Variants in MGMT observed in about 807,000 individuals in gnomAD.
MGMT encodes the protein O-6-methylguanine-DNA methyltransferase.
In MGMT, 14 loss-of-function variants were observed where a neutral mutation model predicts 15.9. The observed-to-expected ratio is 0.88, with a 90% CI of 0.58 to 1.37. MGMT has a LOEUF of 1.37. Ranked by LOEUF, MGMT falls within the 40% of genes most tolerant of loss-of-function variation. MGMT has a pLI of 0.00. For missense variants in MGMT, 282 were observed against 268.1 expected (o/e 1.05, Z -0.36); for synonymous variants, 130 against 118.2 (o/e 1.10, Z -0.65).
At chr10:129,614,118 T>C (rs1846993309) in intron 2 of MGMT, among the ~76,000 whole-genome samples, 1 of 151,808 alleles carries the variant, frequency 6.6e-6, no homozygotes, top group Admixed American at 6.6e-5. Flanking sequence ...TCCCCAGCCC[T>C]GGCACCCACC....
At chr10:129,531,571 C>G (rs967109269) in intron 1 of MGMT, among the ~76,000 whole-genome samples, 2 of 152,178 alleles carry the variant, frequency 1.3e-5, no homozygotes, top group South Asian at 4.2e-4. Flanking sequence ...CTGCCGTGCT[C>G]GGTGGCCTGG....
intron 2 of MGMT, among the ~76,000 whole-genome samples, chr10:129,610,155 C>A (rs1846942572): frequency 6.6e-6 from 1 of 152,130 alleles, no homozygotes; most frequent in Admixed American, 6.5e-5. Context: ...TAGGATTTTT[C>A]AAATACTTAG....
chr10:129,725,425 C>T (rs973335913), intron 3 of MGMT, among the ~76,000 whole-genome samples: 6 of 152,258 alleles, frequency 3.9e-5, no homozygotes, highest in African/African-American at 7.2e-5. Flanking sequence ...TATCTAATTA[C>T]GGAGTGTTTT....
chr10:129,510,359 C>G (rs1218235797), intron 1 of MGMT, among the ~76,000 whole-genome samples: 2 of 152,130 alleles, frequency 1.3e-5, no homozygotes, highest in Admixed American at 1.3e-4. Context: ...AGGACTGAAT[C>G]GGTGCAGAGC....
At chr10:129,577,763 G>A (rs565529570) in intron 2 of MGMT, among the ~76,000 whole-genome samples, 9 of 152,190 alleles carry the variant, frequency 5.9e-5, no homozygotes, top group Non-Finnish European at 1.0e-4. Context: ...TACAGAATAG[G>A]AGAAAATTTT....
chr10:129,480,075 C>T (rs904359986), intron 1 of MGMT, among the ~76,000 whole-genome samples: 1 of 152,098 alleles, frequency 6.6e-6, no homozygotes, highest in Non-Finnish European at 1.5e-5. Context: ...TATCAGTTTC[C>T]ATTTTTTAAA....
At chr10:129,485,727 G>A (rs571167128) in intron 1 of MGMT, among the ~76,000 whole-genome samples, 16 of 152,288 alleles carry the variant, frequency 1.1e-4, no homozygotes, top group Admixed American at 4.6e-4. Context: ...ACTTTATTTC[G>A]TTTTAGCTGT....
chr10:129,628,051 A>G (rs1304176914), intron 2 of MGMT, among the ~76,000 whole-genome samples: 1 of 152,322 alleles, frequency 6.6e-6, no homozygotes, highest in East Asian at 1.9e-4. Context: ...TTTTAGTCCT[A>G]TTAATGAAGA....
At position 129,707,995 on chromosome 10, in the gene MGMT, A is replaced by G. The variant is rs1473548584; in HGVS notation, c.226A>G (p.Ile76Val). 4 of 1,613,754 alleles carry G rather than the reference A, an allele frequency of 2.5e-6. No individual in the cohort carries two copies. Among genetic ancestry groups the G allele is most frequent in the Middle Eastern group, 1.6e-4 (1 of 6,082 alleles). The change falls in exon 3 of 5, where the codon ATC becomes GTC. Residue 76 changes from isoleucine (I) to valine (V), a missense_variant. Ile to Val is a conservative substitution (Grantham distance 29). Coordinates refer to ENST00000651593, the MANE Select transcript of MGMT (RefSeq NM_002412.5). ...LNAYFHQPEA[I>V]EEFPVPALHH... ...TGCCTATTTCCACCAGCCCGAGGCTATCGAAGAGTTCCCCGTGCCGGCTCT... is the reference window on the plus strand; with the variant it reads ...TGCCTATTTCCACCAGCCCGAGGCTGTCGAAGAGTTCCCCGTGCCGGCTCT...
intron 2 of MGMT, among the ~76,000 whole-genome samples, chr10:129,609,850 C>T (rs1399539152): frequency 6.6e-6 from 1 of 152,034 alleles, no homozygotes; most frequent in Non-Finnish European, 1.5e-5. Flanking sequence ...GGGAGGCAGG[C>T]GGCAATGGTG....
intron 2 of MGMT, among the ~76,000 whole-genome samples, chr10:129,683,467 G>A (rs2133122019): frequency 6.6e-6 from 1 of 152,300 alleles, no homozygotes; most frequent in East Asian, 1.9e-4. Context: ...AAAATGCCCG[G>A]GTGAGTGCTA....
At chr10:129,569,662 G>GTAT (rs1367956593) in intron 2 of MGMT, among the ~76,000 whole-genome samples, 1 of 152,122 alleles carries the variant, frequency 6.6e-6, no homozygotes, top group Non-Finnish European at 1.5e-5. Flanking sequence ...TTGGTGGGTT[G>GTAT]TAGACTCATG....
chr10:129,580,418 G>T (rs966554534), intron 2 of MGMT, among the ~76,000 whole-genome samples: 1 of 152,206 alleles, frequency 6.6e-6, no homozygotes, highest in Non-Finnish European at 1.5e-5. Flanking sequence ...TTTCCCTGAG[G>T]TCACACAGCT....
At chr10:129,557,759 A>G (rs1031475043) in intron 2 of MGMT, among the ~76,000 whole-genome samples, 4 of 152,152 alleles carry the variant, frequency 2.6e-5, no homozygotes, top group African/African-American at 9.7e-5. Context: ...ATTTTCCTCT[A>G]TGACATGTTT....
chr10:129,582,718 C>T (rs563324002), intron 2 of MGMT, among the ~76,000 whole-genome samples: 41 of 152,128 alleles, frequency 2.7e-4, no homozygotes, highest in African/African-American at 8.0e-4. Context: ...TTTCCCCCTT[C>T]GGATAAAGCA....
rs1273394272 is a variant in MGMT, at chr10:129,626,642, T to C, written c.126-81253T>C. On this transcript the variant is annotated intron_variant, in intron 2 of 4. Transcript: ENST00000651593. ...CTGTTCTGCATGCCCAGGGCCGTGC[T>C]CTCCGTGGAAATCTATGTTGGAGAC... Among the ~76,000 whole-genome samples, 14 of 152,246 alleles carry C rather than the reference T, an allele frequency of 9.2e-5. No individual in the cohort carries two copies. In the East Asian group the frequency reaches 2.5e-3, roughly 27 times the overall value.
intron 2 of MGMT, among the ~76,000 whole-genome samples, chr10:129,667,172 C>G (rs375124630): frequency 6.6e-6 from 1 of 152,212 alleles, no homozygotes; most frequent in Non-Finnish European, 1.5e-5. Context: ...CAAACCATGG[C>G]GGCCCCTCAG....
chr10:129,564,332 C>T (rs1257653027), intron 2 of MGMT, among the ~76,000 whole-genome samples: 1 of 45,724 alleles, frequency 2.2e-5, no homozygotes. Flanking sequence ...CCCCTCTTTC[C>T]TCCCCCTCTT....
chr10:129,768,799 G>A lies in MGMT; in HGVS notation c.*1802G>A, dbSNP rs943856654. On this transcript the variant is annotated 3_prime_UTR_variant, in exon 5 of 5. Transcript: ENST00000651593. ...GGATGGATTTGAAGGAGGGTGGCTG[G>A]GCGGCACCCCGATGGCTCCCTGTGC... is the stretch of plus-strand genomic sequence containing the variant. The A allele has an allele frequency of 6.6e-6, 1 of 152,454 alleles. No individual in the cohort carries two copies. Among genetic ancestry groups the A allele is most frequent in the Non-Finnish European group, 1.5e-5 (1 of 68,214 alleles). The allele number at this position is 152,454 out of a possible 1,614,324, so 9.4% of individuals were successfully genotyped here.
Sources: gnomAD v4.1 joint callset for allele counts (sites outside exome capture counted in the v4.1 genomes callset) on GRCh38, gnomAD v4.1.1 for gene constraint, MANE v1.5 for transcripts, NCBI Gene and HGNC (gene_info 2026-07-23, HGNC 2026-07-21) for gene names.